Variants in RIMS1 observed in about 807,000 individuals in gnomAD.
The protein encoded by RIMS1 is regulating synaptic membrane exocytosis protein 1.
RIMS1 carries 83 observed loss-of-function variants against 214.1 expected under a neutral mutation model. The ratio of observed to expected loss-of-function variants is 0.39; its 90% CI spans 0.32 to 0.47. RIMS1 has a LOEUF of 0.47. Ranked by LOEUF, RIMS1 falls within the 20% of genes least tolerant of loss-of-function variation. The pLI, the probability that RIMS1 is intolerant of heterozygous loss-of-function variation, is 0.99. For missense variants in RIMS1, 2,050 were observed against 2,161.8 expected (o/e 0.95, Z 1.03); for synonymous variants, 793 against 786.8 (o/e 1.01, Z -0.13).
Position 72,026,050 on chromosome 6 carries a change from T to C in RIMS1, c.245+56987T>C, listed in dbSNP as rs146487112. ...TGTCTTTATGACCCAGACTTAGAAA[T>C]TGCATACTGTCACTTACTTCATATT... On this transcript the variant is annotated intron_variant, in intron 2 of 33. Transcript: ENST00000521978. Among the ~76,000 whole-genome samples, 15 of 152,224 alleles carry C rather than the reference T, an allele frequency of 9.9e-5. 2 individuals carry two copies. In the South Asian group the frequency reaches 2.9e-3, roughly 30 times the overall value.
chr6:71,987,555 C>T (rs79670451), intron 2 of RIMS1, among the ~76,000 whole-genome samples: 8,089 of 152,178 alleles, frequency 0.053, 311 homozygotes, highest in Non-Finnish European at 0.083. Flanking sequence ...AATTTTGGGA[C>T]GGTACAAACA....
intron 2 of RIMS1, among the ~76,000 whole-genome samples, chr6:72,072,740 A>T (rs530850159): frequency 6.6e-6 from 1 of 152,172 alleles, no homozygotes. Context: ...ACTAGTGTCA[A>T]CACCACCCTT....
intron 2 of RIMS1, among the ~76,000 whole-genome samples, chr6:72,053,954 A>G (rs1825409631): frequency 6.6e-6 from 1 of 152,014 alleles, no homozygotes; most frequent in Admixed American, 6.6e-5. Context: ...ACAAATGAAG[A>G]ATGTGTAGTT....
intron 4 of RIMS1, among the ~76,000 whole-genome samples, chr6:72,113,857 G>T (rs892807501): frequency 1.3e-5 from 2 of 151,974 alleles, no homozygotes; most frequent in Non-Finnish European, 1.5e-5. Flanking sequence ...TCAATTAGTG[G>T]TTAGTCCTAT....
chr6:71,948,162 A>G (rs1032410595), intron 1 of RIMS1, among the ~76,000 whole-genome samples: 5 of 152,182 alleles, frequency 3.3e-5, no homozygotes, highest in Non-Finnish European at 7.4e-5. Context: ...ATATTCATTT[A>G]GTTCATTTCT....
At position 72,290,743 on chromosome 6, in the gene RIMS1, A is replaced by G. The variant is rs752187263; in HGVS notation, c.3619A>G (p.Ile1207Val). 8 of 1,613,716 alleles carry G rather than the reference A, an allele frequency of 5.0e-6. No individual in the cohort carries two copies. In the East Asian group the frequency reaches 1.3e-4, roughly 27 times the overall value. The change falls in exon 25 of 34, where the codon ATT (isoleucine) becomes GTT (valine). Residue 1207 changes from isoleucine (I) to valine (V), a missense_variant. By Grantham distance (29) the Ile-to-Val change is conservative. Coordinates refer to ENST00000521978, the MANE Select transcript of RIMS1 (RefSeq NM_014989.7). ...CCCAAGAGCAACTGATCAGCCAGTC[A>G]TTAGGGGAAAACATCCTGCTCGCTC... Reference protein sequence around the residue: ...AAPRATDQPVIRGKHPARSRS... With the variant: ...AAPRATDQPVVRGKHPARSRS...
At chr6:71,960,903 T>A (rs913463059) in intron 1 of RIMS1, among the ~76,000 whole-genome samples, 11 of 149,950 alleles carry the variant, frequency 7.3e-5, no homozygotes, top group East Asian at 3.9e-4. Context: ...GAAAAAAAAA[T>A]TTTTTTTTTG....
chr6:72,364,059 CCT>C (rs1338320127), intron 29 of RIMS1, among the ~76,000 whole-genome samples: 1 of 152,204 alleles, frequency 6.6e-6, no homozygotes, highest in African/African-American at 2.4e-5. Context: ...GGCACCAACT[CCT>C]CCACTCTGGG....
chr6:72,369,911 T>C (rs1271225279), intron 29 of RIMS1, among the ~76,000 whole-genome samples: 1 of 152,208 alleles, frequency 6.6e-6, no homozygotes, highest in African/African-American at 2.4e-5. Flanking sequence ...GTTATCCACC[T>C]GAAGAGTTAA....
At chr6:72,332,337 GA>G in intron 28 of RIMS1, among the ~76,000 whole-genome samples, 1 of 151,840 alleles carries the variant, frequency 6.6e-6, no homozygotes, top group East Asian at 2.0e-4. Flanking sequence ...TTATTAGACA[GA>G]AATGTACTGG....
At chr6:71,974,781 G>A (rs1796748695) in intron 2 of RIMS1, among the ~76,000 whole-genome samples, 2 of 152,176 alleles carry the variant, frequency 1.3e-5, no homozygotes, top group Admixed American at 1.3e-4. Context: ...AGTATTAGTA[G>A]CCAAGGAAAT....
intron 23 of RIMS1, among the ~76,000 whole-genome samples, 171 bp from the exon 24 acceptor site, chr6:72,283,876 T>G (rs2091310583): frequency 6.6e-6 from 1 of 152,188 alleles, no homozygotes; most frequent in South Asian, 2.1e-4. Context: ...GGTTTTCATT[T>G]TATTCATTCA....
intron 6 of RIMS1, among the ~76,000 whole-genome samples, chr6:72,188,546 A>G (rs2049519998): frequency 6.6e-6 from 1 of 152,252 alleles, no homozygotes; most frequent in African/African-American, 2.4e-5. Context: ...TAACAAAATA[A>G]GAACTCATGA....
intron 6 of RIMS1, among the ~76,000 whole-genome samples, chr6:72,230,440 T>G (rs2154076505): frequency 6.6e-6 from 1 of 151,850 alleles, no homozygotes; most frequent in East Asian, 1.9e-4. Context: ...TGTAAATTGC[T>G]AAATAGATAT....
intron 4 of RIMS1, among the ~76,000 whole-genome samples, chr6:72,123,227 T>G (rs892920910): frequency 4.0e-5 from 6 of 151,874 alleles, no homozygotes; most frequent in African/African-American, 1.4e-4. Flanking sequence ...ATTTCGTTAT[T>G]TACCCAGTAA....
intron 2 of RIMS1, among the ~76,000 whole-genome samples, chr6:72,069,831 T>A (rs1035917742): frequency 2.0e-5 from 3 of 152,210 alleles, no homozygotes; most frequent in Non-Finnish European, 4.4e-5. Flanking sequence ...CTCCTATCCA[T>A]GCAAGCATTC....
chr6:72,076,601 A>G lies in RIMS1; in HGVS notation c.246-20348A>G, dbSNP rs532096880. On this transcript the variant is annotated intron_variant, in intron 2 of 33. Coordinates refer to ENST00000521978, the MANE Select transcript of RIMS1 (RefSeq NM_014989.7). Reference sequence around the variant, plus strand: ...TTTAACATTTGAATATTCAGTCGATAACACTGAGGGTTAAAGGAGGTAGAG... The same window carrying G: ...TTTAACATTTGAATATTCAGTCGATGACACTGAGGGTTAAAGGAGGTAGAG... Among the ~76,000 whole-genome samples the G allele has an allele frequency of 1.8e-3, 272 of 152,360 alleles. 2 individuals carry two copies. The highest frequency in any genetic ancestry group is 5.7e-3 in the African/African-American group (238 of 41,578).
intron 26 of RIMS1, among the ~76,000 whole-genome samples, chr6:72,304,449 C>T (rs2094946628): frequency 6.6e-6 from 1 of 151,760 alleles, no homozygotes; most frequent in African/African-American, 2.4e-5. Context: ...TTAATCATTA[C>T]TACTATTCTC....
At position 72,182,574 on chromosome 6, in the gene RIMS1, C is replaced by G; in HGVS notation, c.1103C>G (p.Pro368Arg). The G allele has an allele frequency of 6.5e-7, 1 of 1,549,764 alleles. No homozygotes were observed. Among genetic ancestry groups the G allele is most frequent in the Non-Finnish European group, 8.7e-7 (1 of 1,147,286 alleles). ...DPNLARYPVK[P>R]PPEEQQMRMH... The stretch of plus-strand genomic sequence containing the variant: ...AACCTAGCTCGGTACCCGGTGAAAC[C>G]GCCGCCTGAGGAGCAGCAGATGCGC... The change falls in exon 6 of 34, where the codon CCG (proline) becomes CGG (arginine). Residue 368 changes from proline to arginine, a missense_variant. Pro to Arg is a moderately radical substitution (Grantham distance 103). Coordinates refer to ENST00000521978, the MANE Select transcript of RIMS1 (RefSeq NM_014989.7).
Sources: allele counts gnomAD v4.1 joint callset (sites outside exome capture counted in the v4.1 genomes callset), GRCh38; gene constraint gnomAD v4.1.1; transcripts MANE v1.5; gene names NCBI Gene and HGNC (gene_info 2026-07-23, HGNC 2026-07-21).